Variants in TEX9 observed in about 807,000 individuals in gnomAD.
TEX9 encodes testis-expressed protein 9.
A neutral mutation model predicts 59.6 loss-of-function variants in TEX9; 74 were observed. That is an observed-to-expected ratio of 1.24 (90% CI 1.03 to 1.51). The LOEUF is 1.51. Among genes scored for constraint, TEX9 ranks in the 40% most tolerant of loss-of-function variants. TEX9 has a pLI of 0.00. For missense variants in TEX9, 522 were observed against 447.8 expected (o/e 1.17, Z -1.49); for synonymous variants, 186 against 152.2 (o/e 1.22, Z -1.64).
chr15:56,378,447 G>A (rs558066589), intron 3 of TEX9, among the ~76,000 whole-genome samples: 2 of 151,902 alleles, frequency 1.3e-5, no homozygotes, highest in South Asian at 4.2e-4. Context: ...CAATCTTGGT[G>A]GGTTGTATGT....
intron 1 of TEX9, among the ~76,000 whole-genome samples, chr15:56,286,466 CTT>C (rs1403330913): frequency 2.0e-5 from 3 of 152,138 alleles, no homozygotes; most frequent in African/African-American, 4.8e-5. Flanking sequence ...AAAAATGACT[CTT>C]GGAGCATCTA....
intron 1 of TEX9, chr15:56,323,229 A>G (rs1466055747): frequency 4.6e-6 from 1 of 217,006 alleles, no homozygotes; most frequent in Admixed American, 4.1e-5. Flanking sequence ...CAACTTCTCA[A>G]AGTTCTCTAA....
chr15:56,269,704 G>A (rs2044478366), intron 1 of TEX9, among the ~76,000 whole-genome samples: 1 of 148,962 alleles, frequency 6.7e-6, no homozygotes, highest in Admixed American at 6.7e-5. Context: ...CCAGGCTGGA[G>A]TACAGAGGTG....
chr15:56,415,512 G>A (rs1205128995), intron 10 of TEX9, among the ~76,000 whole-genome samples: 1 of 151,550 alleles, frequency 6.6e-6, no homozygotes, highest in Non-Finnish European at 1.5e-5. Context: ...CATTGCTTTT[G>A]TCAGGTTTGA....
At chr15:56,273,900 A>G (rs903062516) in intron 1 of TEX9, among the ~76,000 whole-genome samples, 1 of 152,174 alleles carries the variant, frequency 6.6e-6, no homozygotes, top group African/African-American at 2.4e-5. Context: ...AATATAATGT[A>G]TCCAGGTGGT....
At chr15:56,404,502 G>T (rs2048972443) in intron 9 of TEX9, among the ~76,000 whole-genome samples, 1 of 152,204 alleles carries the variant, frequency 6.6e-6, no homozygotes, top group African/African-American at 2.4e-5. Flanking sequence ...TGGAGAGGAT[G>T]TGGAGAAATA....
At chr15:56,294,629 T>C (rs958209129) in intron 1 of TEX9, among the ~76,000 whole-genome samples, 1 of 152,240 alleles carries the variant, frequency 6.6e-6, no homozygotes, top group Admixed American at 6.5e-5. Context: ...GTAATTTTCA[T>C]TTAAATTTTT....
chr15:56,452,291 A>G, the TEX9 span, among the ~76,000 whole-genome samples: 2 of 152,252 alleles, frequency 1.3e-5, no homozygotes, highest in East Asian at 3.9e-4. Flanking sequence ...ACTAGGTGCA[A>G]AAGGCCTCTA....
chr15:56,282,695 T>A (rs1450858215), intron 1 of TEX9, among the ~76,000 whole-genome samples: 2 of 152,004 alleles, frequency 1.3e-5, no homozygotes, highest in Non-Finnish European at 2.9e-5. Context: ...TGAAGGGTGG[T>A]TTAGAGTTAG....
intron 4 of TEX9, among the ~76,000 whole-genome samples, chr15:56,384,590 A>C (rs1028039198): frequency 6.6e-6 from 1 of 152,202 alleles, no homozygotes; most frequent in African/African-American, 2.4e-5. Context: ...TTAGGTTACT[A>C]TCCTGCTTAT....
intron 1 of TEX9, among the ~76,000 whole-genome samples, chr15:56,355,135 G>T (rs1052143036): frequency 3.6e-4 from 54 of 152,016 alleles, no homozygotes; most frequent in Admixed American, 2.4e-3. Context: ...CCAGTTCTAG[G>T]CAAACATCTA....
At chr15:56,406,156 T>G (rs1420540374) in intron 9 of TEX9, among the ~76,000 whole-genome samples, 2 of 152,204 alleles carry the variant, frequency 1.3e-5, no homozygotes, top group African/African-American at 2.4e-5. Flanking sequence ...CTATATTTTT[T>G]CACTACAAAT....
At chr15:56,453,923 A>G in the TEX9 span, among the ~76,000 whole-genome samples, 102 of 152,282 alleles carry the variant, frequency 6.7e-4, 3 homozygotes, top group South Asian at 0.021. Flanking sequence ...AAATCTTAAT[A>G]TAGGTGATTT....
intron 1 of TEX9, among the ~76,000 whole-genome samples, chr15:56,264,266 C>T (rs182509782): frequency 6.6e-6 from 1 of 152,266 alleles, no homozygotes; most frequent in East Asian, 1.9e-4. Flanking sequence ...TTTTTGTTTG[C>T]CATTCTAATA....
chr15:56,448,594 C>T (rs1746496390), downstream of TEX9, among the ~76,000 whole-genome samples: 3 of 152,250 alleles, frequency 2.0e-5, no homozygotes, highest in South Asian at 2.1e-4. Flanking sequence ...TAGAGTATTC[C>T]GTGGTATATA....
rs545998577 is a variant in TEX9, at chr15:56,324,951, T to C, written c.-106-48490T>C. On this transcript the variant is annotated intron_variant, in intron 1 of 5. Transcript: ENST00000560827. Reference sequence around the variant, plus strand: ...TGATTTCATTATAAAATCCACATAATAGACAGATTATAAAGGAAAAGACCA... The same window carrying C: ...TGATTTCATTATAAAATCCACATAACAGACAGATTATAAAGGAAAAGACCA... 5.9e-5 allele frequency among the ~76,000 whole-genome samples: 9 copies of C among 152,258 alleles called. No individual in the cohort carries two copies. In the South Asian group the frequency reaches 1.0e-3, roughly 18 times the overall value.
intron 12 of TEX9, among the ~76,000 whole-genome samples, chr15:56,442,743 G>A (rs1161003253): frequency 2.0e-5 from 3 of 152,090 alleles, no homozygotes; most frequent in African/African-American, 7.2e-5. Flanking sequence ...CTTGAGGGTA[G>A]ACATAGGAGG....
At chr15:56,444,546 A>G (rs574496323) in intron 12 of TEX9, 3 of 1,612,222 alleles carry the variant, frequency 1.9e-6, no homozygotes, top group African/African-American at 2.7e-5. Context: ...TTGTTCTTCA[A>G]GTTGTTTCTC....
At chr15:56,413,223 T>A (rs185667461) in intron 10 of TEX9, among the ~76,000 whole-genome samples, 2 of 113,798 alleles carry the variant, frequency 1.8e-5, no homozygotes, top group African/African-American at 3.5e-5. Flanking sequence ...TTAAATAATT[T>A]AATTTATTTA....
Sources: gnomAD v4.1 joint callset for allele counts (sites outside exome capture counted in the v4.1 genomes callset) on GRCh38, gnomAD v4.1.1 for gene constraint, MANE v1.5 for transcripts, NCBI Gene and HGNC (gene_info 2026-07-23, HGNC 2026-07-21) for gene names.